ZCCHC8: variants seen among roughly 807,000 people sequenced by gnomAD.
ZCCHC8 encodes zinc finger CCHC-type containing 8.
A neutral mutation model predicts 70.6 loss-of-function variants in ZCCHC8; 27 were observed. The ratio of observed to expected loss-of-function variants is 0.38; its 90% CI spans 0.28 to 0.53. The LOEUF (loss-of-function observed/expected upper bound fraction) is 0.53. Ranked by LOEUF, ZCCHC8 falls within the 20% of genes least tolerant of loss-of-function variation. The pLI is 0.81. For missense variants in ZCCHC8, 737 were observed against 876.9 expected (o/e 0.84, Z 2.01); for synonymous variants, 293 against 317.4 (o/e 0.92, Z 0.82).
At position 122,473,872 on chromosome 12, in the gene ZCCHC8, T is replaced by C. The variant is rs748926393; in HGVS notation, c.1749A>G (p.Val583=). 16 of 1,613,864 alleles carry C rather than the reference T, an allele frequency of 9.9e-6. No homozygotes were observed. Among genetic ancestry groups the C allele is most frequent in the African/African-American group, 6.7e-5 (5 of 74,944 alleles). Residue 583 remains valine, a synonymous_variant, in exon 14 of 14, where the codon GTA becomes GTG. Transcript: ENST00000633063. ...SEKQTLDEPE[V]PEIFTKKSEA... is the part of the protein sequence containing the mutation. ...CTGATTTCTTTGTAAAAATCTCTGG[T>C]ACCTCAGGCTCATCCAGCGTCTGCT... is the stretch of plus-strand genomic sequence containing the variant.
chr12:122,492,914 G>C (rs1957772908), intron 2 of ZCCHC8, 125 bp from the exon 3 acceptor site: 3 of 641,674 alleles, frequency 4.7e-6, no homozygotes, highest in Non-Finnish European at 8.1e-6. Context: ...TCTGTCGCTC[G>C]TGCTGGAGTG....
At chr12:122,490,009 C>G (rs922377506) in intron 4 of ZCCHC8, among the ~76,000 whole-genome samples, 2 of 151,124 alleles carry the variant, frequency 1.3e-5, no homozygotes, top group Non-Finnish European at 2.9e-5. Context: ...GAAATCATAA[C>G]TCTGATTCTC....
rs987839635 is a variant in ZCCHC8, at chr12:122,483,090, C to T, written c.671+189G>A. Reference sequence around the variant, plus strand: ...CCCACCCAGGCACATTAGGTGAGAACCAATGAATTCCAGGAAGCAGATGAT... The same window carrying T: ...CCCACCCAGGCACATTAGGTGAGAATCAATGAATTCCAGGAAGCAGATGAT... On this transcript the variant is annotated intron_variant, in intron 7 of 13. Coordinates refer to ENST00000633063, the MANE Select transcript of ZCCHC8 (RefSeq NM_017612.5). The surrounding 1 kb of genome is among the most constrained non-coding windows in gnomAD (Gnocchi z 4.4). The T allele has an allele frequency of 2.6e-5, 16 of 620,266 alleles. No individual in the cohort carries two copies. The highest frequency in any genetic ancestry group is 3.8e-5 in the Non-Finnish European group (14 of 363,720). The allele number at this position is 620,266 out of a possible 1,614,324, so 38.4% of individuals were successfully genotyped here.
intron 10 of ZCCHC8, 137 bp from the exon 11 acceptor site, chr12:122,480,448 A>G: frequency 1.5e-6 from 1 of 687,376 alleles, no homozygotes; most frequent in Non-Finnish European, 2.1e-6. Context: ...TTTCATTATA[A>G]TTTTTCTAAA....
chr12:122,476,471 A>C (rs1051186860), intron 13 of ZCCHC8, among the ~76,000 whole-genome samples: 9 of 151,912 alleles, frequency 5.9e-5, no homozygotes, highest in African/African-American at 1.9e-4. Flanking sequence ...GCATATGCCT[A>C]TACTCCCAGC....
At chr12:122,492,402 C>T (rs554951310) in intron 3 of ZCCHC8, among the ~76,000 whole-genome samples, 3 of 152,164 alleles carry the variant, frequency 2.0e-5, no homozygotes, top group Non-Finnish European at 2.9e-5. Flanking sequence ...TTATTGAGCT[C>T]TTAGAGGTGC....
In ZCCHC8 at chr12:122,483,958, T is replaced by A; in HGVS notation, c.502-395A>T. The A allele has an allele frequency of 5.9e-6, 1 of 169,448 alleles. No individual in the cohort carries two copies. Among genetic ancestry groups the A allele is most frequent in the Non-Finnish European group, 1.3e-5 (1 of 78,636 alleles). 10.5% of individuals were successfully genotyped at this position (169,448 alleles called of 1,614,324 possible). On this transcript the variant is annotated intron_variant, in intron 5 of 13. Coordinates refer to ENST00000633063, the MANE Select transcript of ZCCHC8 (RefSeq NM_017612.5). The surrounding 1 kb of genome is among the most constrained non-coding windows in gnomAD (Gnocchi z 4.4). ...CTTTTCTTATCCCTCCAGTTCTTTTTGAAAAAATTCCATACAGACAAGTTG... is the reference window on the plus strand; with the variant it reads ...CTTTTCTTATCCCTCCAGTTCTTTTAGAAAAAATTCCATACAGACAAGTTG...
Position 122,481,598 on chromosome 12 carries a change from G to C in ZCCHC8, c.942C>G (p.Arg314=). The change falls in exon 10 of 14, where the codon CGC becomes CGG. Residue 314 remains arginine, a synonymous_variant. Transcript: ENST00000633063. ...GCCACCCTGGTGGGTACCCTAGCTG[G>C]CGCATCCGATAGATAAAAGGTGGAA... The part of the protein sequence containing the change: ...KSLPPFIYRM[R]QLGYPPGWLK... 6.2e-7 allele frequency: 1 copy of C among 1,613,898 alleles called. No homozygotes were observed. Among genetic ancestry groups the C allele is most frequent in the Non-Finnish European group, 8.5e-7 (1 of 1,179,870 alleles).
chr12:122,475,428 C>T (rs60239792), intron 13 of ZCCHC8, among the ~76,000 whole-genome samples: 3,260 of 152,300 alleles, frequency 0.021, 67 homozygotes, highest in African/African-American at 0.057. Context: ...ATCACCTACA[C>T]GTTCCACAGA....
chr12:122,490,581 C>G lies in ZCCHC8; in HGVS notation c.318-14G>C. On this transcript the variant is annotated splice_polypyrimidine_tract_variant and intron_variant, in intron 3 of 13. Transcript: ENST00000633063. The stretch of plus-strand genomic sequence containing the variant: ...TGATGATATTGCCTGTGTAAGAGGA[C>G]AAAATGGTCAGAACCCAGACAGAGT... The G allele has an allele frequency of 6.5e-7, 1 of 1,546,200 alleles. No individual in the cohort carries two copies. Among genetic ancestry groups the G allele is most frequent in the Non-Finnish European group, 8.9e-7 (1 of 1,127,654 alleles).
rs867562358 is a variant in ZCCHC8, at chr12:122,473,532, G to T, written c.2089C>A (p.Arg697=). 2.5e-6 allele frequency: 4 copies of T among 1,613,704 alleles called. No homozygotes were observed. Among genetic ancestry groups the T allele is most frequent in the Non-Finnish European group, 3.4e-6 (4 of 1,179,792 alleles). The part of the protein sequence containing the change: ...RIRSLLKNSP[R]NQQKNKKASE ...GCCTTTTTGTTTTTCTGCTGGTTTC[G>T]GGGTGAGTTCTTTAACAAGCTTCTT... The change falls in exon 14 of 14, where the codon CGA becomes AGA. Residue 697 remains arginine (R), a synonymous_variant. Transcript: ENST00000633063.
intron 5 of ZCCHC8, among the ~76,000 whole-genome samples, chr12:122,488,899 G>A (rs1483799534): frequency 1.3e-5 from 2 of 151,644 alleles, no homozygotes; most frequent in Non-Finnish European, 2.9e-5. Flanking sequence ...ATTATAAGCT[G>A]CAAAATCATA....
rs1235513005 is a variant in ZCCHC8, at chr12:122,498,942, A to T, written c.200-73T>A. 2.2e-6 allele frequency: 3 copies of T among 1,333,956 alleles called. No individual in the cohort carries two copies. In the African/African-American group the frequency reaches 4.3e-5, roughly 19 times the overall value. The allele number at this position is 1,333,956 out of a possible 1,614,324, so 82.6% of individuals were successfully genotyped here. ...ATAAAATTCAACTACTACTTCTCTC[A>T]CTTTTGGTGTCAGAATATTATAAAG... On this transcript the variant is annotated intron_variant, in intron 1 of 13. Transcript: ENST00000633063.
intron 2 of ZCCHC8, among the ~76,000 whole-genome samples, chr12:122,495,670 A>C (rs1486667618): frequency 6.6e-6 from 1 of 152,014 alleles, no homozygotes; most frequent in Middle Eastern, 3.2e-3. Flanking sequence ...CAACATGGTG[A>C]AACCCCGTCT....
chr12:122,494,051 T>C (rs970810265), intron 2 of ZCCHC8, among the ~76,000 whole-genome samples: 1 of 152,062 alleles, frequency 6.6e-6, no homozygotes, highest in Non-Finnish European at 1.5e-5. Context: ...AGAAGAGATA[T>C]AAAAAAGTAT....
chr12:122,491,328 A>G (rs1421587981), intron 3 of ZCCHC8, among the ~76,000 whole-genome samples: 1 of 152,176 alleles, frequency 6.6e-6, no homozygotes, highest in Non-Finnish European at 1.5e-5. Flanking sequence ...CAGGAGTTCG[A>G]GACCAGCCTG....
At chr12:122,480,370 G>T in intron 10 of ZCCHC8, 59 bp from the exon 11 acceptor site, 1 of 1,407,088 alleles carries the variant, frequency 7.1e-7, no homozygotes, top group Non-Finnish European at 9.4e-7. Flanking sequence ...TCCCTCCCCA[G>T]ACCAAAAGTA....
chr12:122,500,637 G>C lies in ZCCHC8; in HGVS notation c.199+5C>G, dbSNP rs1435377711. 1 of 1,565,780 alleles carries C rather than the reference G, an allele frequency of 6.4e-7. No individual in the cohort carries two copies. The highest frequency in any genetic ancestry group is 1.4e-5 in the African/African-American group (1 of 73,866). On this transcript the variant is annotated splice_donor_5th_base_variant and intron_variant, in intron 1 of 13. Transcript: ENST00000633063. This position sits in a 1 kb window ranked among gnomAD's most constrained non-coding sequence, Gnocchi z 4.8. ...GTGACAGGGCCCAGCGAGAGGAAAG[G>C]ATATTCTCGGCGCGGAGCTGCTCGA...
At position 122,500,410 on chromosome 12, in the gene ZCCHC8, T is replaced by G. The variant is rs906879985; in HGVS notation, c.199+232A>C. 4 of 568,864 alleles carry G rather than the reference T, an allele frequency of 7.0e-6. No individual in the cohort carries two copies. The highest frequency in any genetic ancestry group is 1.2e-5 in the Non-Finnish European group (4 of 326,144). 35.2% of individuals were successfully genotyped at this position (568,864 alleles called of 1,614,324 possible). A position where few individuals can be genotyped will look rare whatever the true frequency, so the allele number is the denominator to read the frequency against. On this transcript the variant is annotated intron_variant, in intron 1 of 13. Coordinates refer to ENST00000633063, the MANE Select transcript of ZCCHC8 (RefSeq NM_017612.5). This position sits in a 1 kb window ranked among gnomAD's most constrained non-coding sequence, Gnocchi z 4.8. The stretch of plus-strand genomic sequence containing the variant: ...CACCCGGGTGGGAGGCAGGAGTGGG[T>G]CTGGTCAGGAGACGGCCTCCCTGAG...
Sources: gnomAD v4.1 joint callset for allele counts (sites outside exome capture counted in the v4.1 genomes callset) on GRCh38, gnomAD v4.1.1 for gene constraint, Gnocchi (gnomAD v3.1) non-coding constraint, MANE v1.5 for transcripts, NCBI Gene and HGNC (gene_info 2026-07-23, HGNC 2026-07-21) for gene names.